Variants in FRMD4B observed in about 807,000 individuals in gnomAD.
The protein encoded by FRMD4B is FERM domain containing 4B.
Under a neutral mutation model 141.5 loss-of-function variants are expected in FRMD4B, and 74 were observed. The ratio of observed to expected loss-of-function variants is 0.52; its 90% CI spans 0.43 to 0.63. The LOEUF is 0.63. Among genes scored for constraint, FRMD4B ranks in the 30% least tolerant of loss-of-function variants. The pLI, the probability that FRMD4B is intolerant of heterozygous loss-of-function variation, is 0.00. For missense variants in FRMD4B, 1,366 were observed against 1,253.4 expected (o/e 1.09, Z -1.36); for synonymous variants, 506 against 467.9 (o/e 1.08, Z -1.05).
chr3:69,474,158 TG>T (rs1466351376), intron 1 of FRMD4B, among the ~76,000 whole-genome samples: 1 of 152,230 alleles, frequency 6.6e-6, no homozygotes, highest in Non-Finnish European at 1.5e-5. Flanking sequence ...TCTTAGCTCA[TG>T]TATTGCTACA....
intron 1 of FRMD4B, among the ~76,000 whole-genome samples, chr3:69,463,358 A>G (rs750806836): frequency 1.3e-5 from 2 of 152,234 alleles, no homozygotes; most frequent in Admixed American, 6.5e-5. Context: ...CTAACTTGGT[A>G]TATTTTGAGT....
intron 1 of FRMD4B, among the ~76,000 whole-genome samples, chr3:69,344,379 A>G (rs1490344184): frequency 6.6e-6 from 1 of 152,216 alleles, no homozygotes; most frequent in Non-Finnish European, 1.5e-5. Flanking sequence ...AAGGAAGGGA[A>G]AGAGGGAGAG....
chr3:69,301,734 C>T (rs1701225256), intron 4 of FRMD4B, among the ~76,000 whole-genome samples: 1 of 152,184 alleles, frequency 6.6e-6, no homozygotes, highest in Non-Finnish European at 1.5e-5. Context: ...TGAATGCATC[C>T]ATTTCAGGAT....
In FRMD4B at chr3:69,444,072, G is replaced by A. The variant is rs74694124; in HGVS notation, c.-128-11311C>T. 2.0e-3 allele frequency among the ~76,000 whole-genome samples: 297 copies of A among 152,146 alleles called. 4 individuals carry two copies. In the East Asian group the frequency reaches 0.024, roughly 12 times the overall value. On this transcript the variant is annotated intron_variant, in intron 1 of 5. Coordinates refer to the FRMD4B transcript ENST00000459638. Reference sequence around the variant, plus strand: ...CCCCACCCAGAGGCTGACAGCACACGAGGACCATTTTCCACACCCCTCTGA... The same window carrying A: ...CCCCACCCAGAGGCTGACAGCACACAAGGACCATTTTCCACACCCCTCTGA...
At chr3:69,380,976 T>A (rs577385609) in intron 1 of FRMD4B, among the ~76,000 whole-genome samples, 1 of 152,342 alleles carries the variant, frequency 6.6e-6, no homozygotes, top group East Asian at 1.9e-4. Flanking sequence ...TTAATTGCTA[T>A]AACAAAACCC....
intron 1 of FRMD4B, among the ~76,000 whole-genome samples, chr3:69,517,005 T>C (rs967220966): frequency 1.6e-4 from 24 of 152,214 alleles, no homozygotes; most frequent in African/African-American, 4.6e-4. Context: ...GCATTGTTAC[T>C]GCACATTAAC....
At chr3:69,277,236 C>G (rs147878501) in intron 5 of FRMD4B, among the ~76,000 whole-genome samples, 1 of 152,074 alleles carries the variant, frequency 6.6e-6, no homozygotes, top group Non-Finnish European at 1.5e-5. Flanking sequence ...CTACTAAAGC[C>G]TTACAGAGCC....
At chr3:69,345,762 G>C (rs1043832830) in intron 1 of FRMD4B, among the ~76,000 whole-genome samples, 1 of 152,210 alleles carries the variant, frequency 6.6e-6, no homozygotes, top group Admixed American at 6.5e-5. Context: ...CAGACCTGCA[G>C]CTGAGGGTCC....
chr3:69,538,140 T>C (rs1050098750), intron 1 of FRMD4B, among the ~76,000 whole-genome samples: 2 of 152,134 alleles, frequency 1.3e-5, no homozygotes, highest in African/African-American at 4.8e-5. Context: ...TATGGTCGTC[T>C]TGTCACCCAA....
In FRMD4B at chr3:69,181,538, TGCTTGATTG is replaced by T; in HGVS notation, c.2203_2211del (p.Gln735_Ser737del). ...ACTGGTGTCACACAGTAATACTCTG[TGCTTGATTG>T]GCTTGTATAAGAAGACCCGTCATCG... On this transcript the variant is annotated inframe_deletion, in exon 21 of 23. Coordinates refer to ENST00000398540, the MANE Select transcript of FRMD4B (RefSeq NM_015123.3). The T allele has an allele frequency of 1.2e-6, 2 of 1,613,984 alleles. No homozygotes were observed. The highest frequency in any genetic ancestry group is 1.7e-6 in the Non-Finnish European group (2 of 1,179,876).
chr3:69,427,643 G>GTTTTTTTGTTTTT (rs1705106086), intron 2 of FRMD4B, among the ~76,000 whole-genome samples: 16 of 36,236 alleles, frequency 4.4e-4, no homozygotes, highest in African/African-American at 1.7e-3. Flanking sequence ...CTAGGTAAAT[G>GTTTTTTTGTTTTT]TTTTTTTTTT....
intron 5 of FRMD4B, among the ~76,000 whole-genome samples, chr3:69,261,112 C>G (rs1278215683): frequency 6.6e-6 from 1 of 152,154 alleles, no homozygotes; most frequent in Non-Finnish European, 1.5e-5. Context: ...AAGGGTTGTT[C>G]TTTTTGGTCT....
intron 8 of FRMD4B, among the ~76,000 whole-genome samples, chr3:69,223,246 T>C (rs1175651614): frequency 1.3e-5 from 2 of 152,208 alleles, no homozygotes. Flanking sequence ...CTGGGTGCAG[T>C]GGCTCACGTC....
intron 1 of FRMD4B, among the ~76,000 whole-genome samples, chr3:69,360,325 T>C (rs1226357370): frequency 6.6e-6 from 1 of 152,198 alleles, no homozygotes. Flanking sequence ...ACTTAAGTAA[T>C]TTCATCTGTA....
intron 5 of FRMD4B, among the ~76,000 whole-genome samples, chr3:69,267,544 A>C (rs1278161311): frequency 6.6e-6 from 1 of 150,538 alleles, no homozygotes; most frequent in Non-Finnish European, 1.5e-5. Context: ...ATATAGGCCT[A>C]GCACATAGAA....
chr3:69,335,778 C>T (rs1702529832), intron 1 of FRMD4B, among the ~76,000 whole-genome samples: 1 of 150,490 alleles, frequency 6.6e-6, no homozygotes, highest in Non-Finnish European at 1.5e-5. Flanking sequence ...CTCTGTCACC[C>T]ACACTGCGAT....
At chr3:69,414,789 AGG>A in intron 2 of FRMD4B, among the ~76,000 whole-genome samples, 1 of 151,344 alleles carries the variant, frequency 6.6e-6, no homozygotes, top group African/African-American at 2.4e-5. Context: ...GTTGTCCTCC[AGG>A]GACTCCCATG....
intron 3 of FRMD4B, 37 bp from the exon 4 acceptor site, chr3:69,302,472 A>T: frequency 8.0e-7 from 1 of 1,251,946 alleles, no homozygotes; most frequent in South Asian, 1.3e-5. Context: ...ATTCAACAGA[A>T]AGTCAGAAAA....
chr3:69,370,162 A>G (rs1703785549), intron 1 of FRMD4B, among the ~76,000 whole-genome samples: 1 of 151,812 alleles, frequency 6.6e-6, no homozygotes, highest in Non-Finnish European at 1.5e-5. Flanking sequence ...TCCAATCAGA[A>G]GGGCCGTTCA....
Sources: gnomAD v4.1 joint callset for allele counts (sites outside exome capture counted in the v4.1 genomes callset) on GRCh38, gnomAD v4.1.1 for gene constraint, MANE v1.5 for transcripts, NCBI Gene and HGNC (gene_info 2026-07-23, HGNC 2026-07-21) for gene names.